Variants in DNAH5 observed in about 807,000 individuals in gnomAD.
DNAH5 encodes dynein axonemal heavy chain 5.
In DNAH5, 372 loss-of-function variants were observed where a neutral mutation model predicts 518.2. The observed-to-expected ratio is 0.72, with a 90% CI of 0.66 to 0.78. The LOEUF is 0.78. DNAH5 is among the 30% of genes least tolerant of loss of function. The pLI, the probability that DNAH5 is intolerant of heterozygous loss-of-function variation, is 0.00. For synonymous variants in DNAH5, 2,039 were observed against 2,025.9 expected (o/e 1.01, Z -0.17); for missense variants, 5,523 against 5,687.0 (o/e 0.97, Z 0.93).
At chr5:13,972,319 C>T (rs1460510883) in intron 1 of DNAH5, among the ~76,000 whole-genome samples, 8 of 152,338 alleles carry the variant, frequency 5.3e-5, no homozygotes, top group Non-Finnish European at 8.8e-5. Flanking sequence ...CTCATAGCTA[C>T]ACTCCCTGTT....
At chr5:13,958,059 A>C (rs1298812422) in intron 1 of DNAH5, among the ~76,000 whole-genome samples, 1 of 151,872 alleles carries the variant, frequency 6.6e-6, no homozygotes, top group Non-Finnish European at 1.5e-5. Flanking sequence ...ATATGATCTA[A>C]CGATTGCATA....
In DNAH5 at chr5:13,876,699, G is replaced by A; in HGVS notation, c.3381C>T (p.Ile1127=). 6.2e-7 allele frequency: 1 copy of A among 1,613,550 alleles called. No homozygotes were observed. The highest frequency in any genetic ancestry group is 8.5e-7 in the Non-Finnish European group (1 of 1,179,742). The change falls in exon 22 of 79, where the codon ATC becomes ATT. Residue 1127 remains isoleucine, a synonymous_variant. Coordinates refer to ENST00000265104, the MANE Select transcript of DNAH5 (RefSeq NM_001369.3). ...VKLVSVLSTI[I]NSTKKEVITS... is the part of the protein sequence containing the mutation. ...CTTGACATACCTTTTTGGTGGAGTT[G>A]ATAATTGTGCTAAGCACAGAAACTA...
chr5:13,771,738 G>C (rs1195982999), intron 55 of DNAH5, among the ~76,000 whole-genome samples: 1 of 152,144 alleles, frequency 6.6e-6, no homozygotes, highest in Non-Finnish European at 1.5e-5. Flanking sequence ...GAATTTACAA[G>C]CATCACACAA....
At chr5:13,882,880 A>T in intron 20 of DNAH5, 24 bp downstream of exon 20, 1 of 1,614,078 alleles carries the variant, frequency 6.2e-7, no homozygotes, top group Non-Finnish European at 8.5e-7. Flanking sequence ...TCCATATGAA[A>T]CCATTTCTGC....
Position 13,691,557 on chromosome 5 carries a change from C to T in DNAH5, c.*427G>A, listed in dbSNP as rs564203224. On this transcript the variant is annotated 3_prime_UTR_variant, in exon 79 of 79. Coordinates refer to ENST00000265104, the MANE Select transcript of DNAH5 (RefSeq NM_001369.3). The stretch of plus-strand genomic sequence containing the variant: ...TAAGTCTCTTAACTTGACCTAAATA[C>T]GAAAGGCAATAGAAGCAAAATCAGC... 4.6e-4 allele frequency: 75 copies of T among 161,872 alleles called. 2 individuals are homozygous for T. Among genetic ancestry groups the T allele is most frequent in the Middle Eastern group, 6.1e-3 (2 of 326 alleles). The allele number at this position is 161,872 out of a possible 1,614,324, so 10.0% of individuals were successfully genotyped here.
intron 35 of DNAH5, 139 bp from the exon 36 acceptor site, chr5:13,830,914 C>T: frequency 1.3e-6 from 1 of 766,386 alleles, no homozygotes; most frequent in Non-Finnish European, 2.2e-6. Flanking sequence ...ATACAACATC[C>T]TAAAACACAC....
At chr5:13,781,763 G>A (rs1446766517) in intron 52 of DNAH5, among the ~76,000 whole-genome samples, 4 of 152,158 alleles carry the variant, frequency 2.6e-5, no homozygotes, top group African/African-American at 4.8e-5. Flanking sequence ...TCTTGGGTAT[G>A]TCTTTATCAG....
chr5:13,837,271 C>G (rs931717836), intron 35 of DNAH5, among the ~76,000 whole-genome samples: 2 of 152,156 alleles, frequency 1.3e-5, no homozygotes, highest in African/African-American at 4.8e-5. Context: ...TGAAGAAAAA[C>G]AAGGTGGAGA....
At chr5:13,757,593 C>T (rs917118565) in intron 61 of DNAH5, among the ~76,000 whole-genome samples, 6 of 152,066 alleles carry the variant, frequency 3.9e-5, no homozygotes, top group African/African-American at 1.4e-4. Context: ...AAGAAACTAT[C>T]CACAGAGTGA....
chr5:13,970,387 C>G (rs1043186333), intron 1 of DNAH5, among the ~76,000 whole-genome samples: 4 of 151,766 alleles, frequency 2.6e-5, no homozygotes, highest in Non-Finnish European at 5.9e-5. Context: ...TTTCATAGGT[C>G]CTGTGAGATT....
chr5:13,697,245 C>T (rs1196111098), intron 78 of DNAH5, among the ~76,000 whole-genome samples: 1 of 152,026 alleles, frequency 6.6e-6, no homozygotes, highest in Admixed American at 6.6e-5. Context: ...AATTACTGTC[C>T]CAAGATGTCA....
chr5:13,881,927 T>C lies in DNAH5; in HGVS notation c.3262+801A>G, dbSNP rs189968362. 2.0e-5 allele frequency among the ~76,000 whole-genome samples: 3 copies of C among 151,982 alleles called. No individual in the cohort carries two copies. The East Asian group carries it at 5.8e-4, about 29-fold the overall frequency. Reference sequence around the variant, plus strand: ...TGAAAAGCTACACAAAGTTGACAAATCCTTAGCTAGACTAAGTAAAAAAGA... The same window carrying C: ...TGAAAAGCTACACAAAGTTGACAAACCCTTAGCTAGACTAAGTAAAAAAGA... On this transcript the variant is annotated intron_variant, in intron 21 of 78. Transcript: ENST00000265104.
At chr5:13,833,361 C>T (rs1490859806) in intron 35 of DNAH5, among the ~76,000 whole-genome samples, 1 of 150,094 alleles carries the variant, frequency 6.7e-6, no homozygotes, top group East Asian at 2.0e-4. Flanking sequence ...ACCACTTGAA[C>T]CTGGGAGGCA....
intron 70 of DNAH5, among the ~76,000 whole-genome samples, chr5:13,724,414 T>C (rs1170788358): frequency 6.6e-6 from 1 of 152,220 alleles, no homozygotes; most frequent in Non-Finnish European, 1.5e-5. Flanking sequence ...GAGTAAATAA[T>C]GTGTTTTGAT....
chr5:13,832,440 A>C (rs1339035132), intron 35 of DNAH5, among the ~76,000 whole-genome samples: 1 of 152,230 alleles, frequency 6.6e-6, no homozygotes, highest in Non-Finnish European at 1.5e-5. Context: ...GATCTGTCAC[A>C]GCATCTCCCT....
At chr5:13,886,582 C>T (rs1453613286) in intron 17 of DNAH5, among the ~76,000 whole-genome samples, 1 of 152,164 alleles carries the variant, frequency 6.6e-6, no homozygotes, top group East Asian at 1.9e-4. Flanking sequence ...TATAAACTAA[C>T]ATGATTTGAG....
rs2151800607 is a variant in DNAH5, at chr5:13,814,769, T to TAA, written c.7065_7066insTT (p.Asn2356LeufsTer5). ...CCATTGGCAAGGGTTAGAGTTTTGT[T>TAA]ATCATCCAAAACAGAATTCAGATTT... On this transcript the variant is annotated frameshift_variant, in exon 43 of 79. Transcript: ENST00000265104. LOFTEE classifies it high-confidence loss of function. The TAA allele has an allele frequency of 2.5e-6, 4 of 1,614,040 alleles. No individual in the cohort carries two copies. The highest frequency in any genetic ancestry group is 3.4e-6 in the Non-Finnish European group (4 of 1,179,996).
At chr5:13,945,418 C>T (rs148914080), upstream of DNAH5, among the ~76,000 whole-genome samples, 543 of 152,302 alleles carry the variant, frequency 3.6e-3, 2 homozygotes, top group African/African-American at 0.013. Context: ...TAGTCAACCT[C>T]TGTGGAGCCT....
chr5:13,727,425 A>T, intron 70 of DNAH5, 82 bp downstream of exon 70: 1 of 1,339,800 alleles, frequency 7.5e-7, no homozygotes, highest in Non-Finnish European at 1.0e-6. Flanking sequence ...TGGAATTCAC[A>T]TTTAAAATAT....
Sources: gnomAD v4.1 joint callset for allele counts (sites outside exome capture counted in the v4.1 genomes callset) on GRCh38, gnomAD v4.1.1 for gene constraint, MANE v1.5 for transcripts, NCBI Gene and HGNC (gene_info 2026-07-23, HGNC 2026-07-21) for gene names.